Variants in RALGAPA1 observed in about 807,000 individuals in gnomAD.
The protein encoded by RALGAPA1 is ral GTPase-activating protein subunit alpha-1.
Under a neutral mutation model 269.6 loss-of-function variants are expected in RALGAPA1, and 52 were observed. The observed-to-expected ratio is 0.19, with a 90% CI of 0.15 to 0.24. RALGAPA1 has a LOEUF of 0.24. RALGAPA1 is among the 10% of genes least tolerant of loss of function. RALGAPA1 has a pLI of 1.00. For missense variants in RALGAPA1, 1,917 were observed against 3,013.9 expected (o/e 0.64, Z 8.52); for synonymous variants, 817 against 1,008.3 (o/e 0.81, Z 3.60).
chr14:35,784,634 A>T (rs2075677469), intron 1 of RALGAPA1, among the ~76,000 whole-genome samples: 1 of 152,178 alleles, frequency 6.6e-6, no homozygotes, highest in African/African-American at 2.4e-5. Context: ...CTTCTTGGCC[A>T]GGCTGAAAAG....
Position 35,645,346 on chromosome 14 carries a change from G to GGTGTGTGTGTGTGTGTGTGTGT in RALGAPA1, c.5676+6437_5676+6458dup, listed in dbSNP as rs58039867. Among the ~76,000 whole-genome samples the GGTGTGTGTGTGTGTGTGTGTGT allele has an allele frequency of 1.2e-3, 149 of 129,540 alleles. 1 individual carries two copies. Among genetic ancestry groups the GGTGTGTGTGTGTGTGTGTGTGT allele is most frequent in the Middle Eastern group, 4.0e-3 (1 of 252 alleles). 85.0% of individuals were successfully genotyped at this position (129,540 alleles called of 152,430 possible). A position where few individuals can be genotyped will look rare whatever the true frequency, so the allele number is the denominator to read the frequency against. On this transcript the variant is annotated intron_variant, in intron 31 of 41. Coordinates refer to ENST00000680220, the MANE Select transcript of RALGAPA1 (RefSeq NM_001346249.2). ...TCAGTCTATAGCAGATATAGAGATGGGTGTGTGTGTGTGTGTGTGTGTGTG... is the reference window on the plus strand; with the variant it reads ...TCAGTCTATAGCAGATATAGAGATGGGTGTGTGTGTGTGTGTGTGTGTGTGTGTGTGTGTGTGTGTGTGTGTG...
intron 1 of RALGAPA1, among the ~76,000 whole-genome samples, chr14:35,798,780 A>G (rs2076756819): frequency 6.6e-6 from 1 of 152,088 alleles, no homozygotes; most frequent in Non-Finnish European, 1.5e-5. Context: ...ACTTGGGGCC[A>G]GGAGTTCGAA....
At chr14:35,727,717 A>C (rs2070102179) in intron 13 of RALGAPA1, among the ~76,000 whole-genome samples, 1 of 152,190 alleles carries the variant, frequency 6.6e-6, no homozygotes, top group Non-Finnish European at 1.5e-5. Flanking sequence ...GACAGTTTTC[A>C]CAAGAACTAT....
At chr14:35,568,513 T>A (rs1161036841) in intron 39 of RALGAPA1, among the ~76,000 whole-genome samples, 2 of 152,162 alleles carry the variant, frequency 1.3e-5, no homozygotes, top group Non-Finnish European at 2.9e-5. Context: ...AGATACTGTA[T>A]CTAGGGAATG....
At chr14:35,701,063 T>A (rs2067305557) in intron 16 of RALGAPA1, among the ~76,000 whole-genome samples, 1 of 152,204 alleles carries the variant, frequency 6.6e-6, no homozygotes, top group South Asian at 2.1e-4. Flanking sequence ...AGCTTTAAAC[T>A]GGATTACTTT....
intron 27 of RALGAPA1, among the ~76,000 whole-genome samples, chr14:35,662,805 C>G (rs987060595): frequency 2.6e-5 from 4 of 151,846 alleles, no homozygotes; most frequent in African/African-American, 9.7e-5. Context: ...CAAAACAAAA[C>G]AAAAAAAGCC....
intron 39 of RALGAPA1, among the ~76,000 whole-genome samples, chr14:35,557,592 C>T (rs1472701597): frequency 6.6e-6 from 1 of 152,106 alleles, no homozygotes; most frequent in African/African-American, 2.4e-5. Context: ...CAAAATCTAT[C>T]CATTAATCTT....
chr14:35,692,699 C>A (rs1256849568), intron 17 of RALGAPA1, among the ~76,000 whole-genome samples: 3 of 151,528 alleles, frequency 2.0e-5, no homozygotes, highest in Non-Finnish European at 4.4e-5. Flanking sequence ...ATAATACTAA[C>A]TACATAAAAT....
intron 39 of RALGAPA1, among the ~76,000 whole-genome samples, chr14:35,564,056 C>T (rs1048430478): frequency 2.6e-5 from 4 of 152,154 alleles, no homozygotes; most frequent in African/African-American, 4.8e-5. Flanking sequence ...AGAAGAATAT[C>T]CCAAGTGTCA....
intron 13 of RALGAPA1, among the ~76,000 whole-genome samples, chr14:35,727,419 T>A (rs2070064669): frequency 1.3e-5 from 2 of 149,572 alleles, no homozygotes; most frequent in South Asian, 4.2e-4. Flanking sequence ...ATCACTACTA[T>A]CTCTAGAGAG....
intron 37 of RALGAPA1, among the ~76,000 whole-genome samples, chr14:35,592,723 A>G (rs756435460): frequency 9.2e-5 from 14 of 152,312 alleles, no homozygotes; most frequent in South Asian, 8.3e-4. Context: ...GATGTGATAC[A>G]CCACATTAAC....
chr14:35,663,729 A>C (rs973175032), intron 27 of RALGAPA1, among the ~76,000 whole-genome samples: 11 of 151,860 alleles, frequency 7.2e-5, no homozygotes, highest in African/African-American at 2.7e-4. Flanking sequence ...AGCTGGGACT[A>C]CACGCGCCCG....
chr14:35,593,726 C>T (rs1014708603), intron 37 of RALGAPA1, among the ~76,000 whole-genome samples: 6 of 151,960 alleles, frequency 3.9e-5, no homozygotes, highest in South Asian at 2.1e-4. Context: ...AGCGTGGTGG[C>T]GAGTGCCTAT....
chr14:35,606,252 A>G (rs2059590538), intron 35 of RALGAPA1, among the ~76,000 whole-genome samples: 1 of 152,222 alleles, frequency 6.6e-6, no homozygotes, highest in Non-Finnish European at 1.5e-5. Context: ...TTGTGTGAAC[A>G]TTATAGATGT....
chr14:35,774,499 T>C (rs947456430), intron 3 of RALGAPA1, among the ~76,000 whole-genome samples: 2 of 152,090 alleles, frequency 1.3e-5, no homozygotes, highest in Non-Finnish European at 2.9e-5. Context: ...CTATGAGCTA[T>C]GTTTCCTGAC....
intron 33 of RALGAPA1, among the ~76,000 whole-genome samples, chr14:35,630,768 G>A (rs998949556): frequency 1.3e-5 from 2 of 152,134 alleles, no homozygotes; most frequent in Non-Finnish European, 2.9e-5. Context: ...TGCCTCAGGA[G>A]GCTGAGGCAG....
intron 10 of RALGAPA1, 121 bp downstream of exon 10, chr14:35,748,464 T>A: frequency 2.5e-6 from 3 of 1,195,796 alleles, no homozygotes; most frequent in South Asian, 2.3e-5. Context: ...TTCTCCCACC[T>A]CAGCCTCCTG....
intron 12 of RALGAPA1, among the ~76,000 whole-genome samples, chr14:35,730,030 C>T (rs2070325369): frequency 6.6e-6 from 1 of 152,160 alleles, no homozygotes; most frequent in African/African-American, 2.4e-5. Flanking sequence ...ACTGCTCCTG[C>T]AGGACCCAGG....
At chr14:35,704,222 C>T (rs2067602228) in intron 16 of RALGAPA1, among the ~76,000 whole-genome samples, 2 of 152,068 alleles carry the variant, frequency 1.3e-5, no homozygotes, top group African/African-American at 4.8e-5. Flanking sequence ...AGTTGAACAC[C>T]AGGTCCTAAA....
Sources: allele counts gnomAD v4.1 joint callset (sites outside exome capture counted in the v4.1 genomes callset), GRCh38; gene constraint gnomAD v4.1.1; transcripts MANE v1.5; gene names NCBI Gene and HGNC (gene_info 2026-07-23, HGNC 2026-07-21).